The following MROH1 variants were observed in gnomAD, a reference collection of about 807,000 sequenced individuals.
MROH1 encodes the protein maestro heat like repeat family member 1.
In MROH1, 117 loss-of-function variants were observed where a neutral mutation model predicts 116.5. The ratio of observed to expected loss-of-function variants is 1.00; its 90% CI spans 0.86 to 1.17. The LOEUF (loss-of-function observed/expected upper bound fraction) is 1.17. Among genes scored for constraint, MROH1 ranks in the 50% most tolerant of loss-of-function variants. The probability of loss-of-function intolerance (pLI) is 0.00; values close to 1 mark genes in which losing one functional copy is unlikely to be tolerated. For missense variants in MROH1, 1,873 were observed against 1,338.5 expected (o/e 1.40, Z -6.23); for synonymous variants, 921 against 583.9 (o/e 1.58, Z -8.32).
At chr8:144,227,587 G>A (rs1381636375) in intron 14 of MROH1, among the ~76,000 whole-genome samples, 1 of 151,814 alleles carries the variant, frequency 6.6e-6, no homozygotes. Flanking sequence ...AGAGGTTGCA[G>A]TGAGCCAAGA....
At position 144,239,112 on chromosome 8, in the gene MROH1, C is replaced by G. The variant is rs963415678; in HGVS notation, c.1524C>G (p.Leu508=). 1.2e-4 allele frequency: 92 copies of G among 775,130 alleles called. No homozygotes were observed. Among genetic ancestry groups the G allele is most frequent in the Middle Eastern group, 7.8e-4 (3 of 3,844 alleles). 48.0% of individuals were successfully genotyped at this position (775,130 alleles called of 1,614,324 possible). The change falls in exon 16 of 44, where the codon CTC becomes CTG. Residue 508 remains leucine (L), a synonymous_variant. Coordinates refer to ENST00000326134, the MANE Select transcript of MROH1 (RefSeq NM_032450.3). ...CCCTGACTCCGCTCTGCAGGAGCCT[C>G]GTGCATCTGGCGCAGAAGAGGCAGG... is the stretch of plus-strand genomic sequence containing the variant. ...TGALTPLCRS[L]VHLAQKRQEA...
chr8:144,248,718 G>A (rs1217653522), intron 31 of MROH1, among the ~76,000 whole-genome samples, 159 bp from the exon 32 acceptor site: 4 of 152,220 alleles, frequency 2.6e-5, no homozygotes, highest in Non-Finnish European at 5.9e-5. Context: ...CCCCCGTGCA[G>A]CGAGCTCATT....
At chr8:144,215,809 CT>C (rs1173702876) in intron 12 of MROH1, among the ~76,000 whole-genome samples, 3 of 149,420 alleles carry the variant, frequency 2.0e-5, no homozygotes, top group African/African-American at 5.0e-5. Flanking sequence ...GGTGGCAGAG[CT>C]TGCAGTGAGC....
chr8:144,167,083 C>G (rs1208012256), intron 3 of MROH1, among the ~76,000 whole-genome samples: 1 of 152,210 alleles, frequency 6.6e-6, no homozygotes, highest in Non-Finnish European at 1.5e-5. Context: ...CAGGTGCCTC[C>G]TGGGATGTCC....
rs1159029602 is a variant in MROH1, at chr8:144,180,206, C to T, written c.329C>T (p.Ala110Val). Residue 110 changes from alanine (A) to valine (V), a missense_variant, in exon 6 of 44, where the codon GCG becomes GTG. Transcript: ENST00000326134. This position sits in a 1 kb window ranked among gnomAD's most constrained non-coding sequence, Gnocchi z 7.4. ...KDLVWDWQQA[A>V]SGVLVAVGRQ... is the part of the protein sequence containing the mutation. ...CTGGTCTGGGACTGGCAGCAGGCGGCGAGTGGCGTCCTGGTGGCCGTGGGA... is the reference window on the plus strand; with the variant it reads ...CTGGTCTGGGACTGGCAGCAGGCGGTGAGTGGCGTCCTGGTGGCCGTGGGA... 27 of 1,613,696 alleles carry T rather than the reference C, an allele frequency of 1.7e-5. No individual in the cohort carries two copies. Among genetic ancestry groups the T allele is most frequent in the Middle Eastern group, 1.6e-4 (1 of 6,082 alleles).
chr8:144,185,849 CG>C (rs1486901163), intron 7 of MROH1, among the ~76,000 whole-genome samples: 1 of 46,542 alleles, frequency 2.1e-5, no homozygotes. Context: ...GTGGGAACCA[CG>C]GGGGGGCGGT....
chr8:144,260,056 A>G lies in MROH1; in HGVS notation c.4190A>G (p.Lys1397Arg). The change falls in exon 38 of 44, where the codon AAG becomes AGG. Residue 1397 changes from lysine to arginine, a missense_variant and splice_region_variant. Lys to Arg is a conservative substitution (Grantham distance 26). Transcript: ENST00000326134. ...LANLASGCPD[K>R]VRTHGPQLLT... Reference sequence around the variant, plus strand: ...AACCTGGCCTCCGGCTGCCCTGACAAGGTGGGGTGGCCACCAGCCCCTCTG... The same window carrying G: ...AACCTGGCCTCCGGCTGCCCTGACAGGGTGGGGTGGCCACCAGCCCCTCTG... The G allele has an allele frequency of 1.4e-6, 1 of 726,464 alleles. No individual in the cohort carries two copies. Among genetic ancestry groups the G allele is most frequent in the Non-Finnish European group, 2.5e-6 (1 of 399,136 alleles). 45.0% of individuals were successfully genotyped at this position (726,464 alleles called of 1,614,324 possible). A position where few individuals can be genotyped will look rare whatever the true frequency, so the allele number is the denominator to read the frequency against.
At chr8:144,224,671 C>T (rs1355816513) in intron 14 of MROH1, among the ~76,000 whole-genome samples, 1 of 152,202 alleles carries the variant, frequency 6.6e-6, no homozygotes, top group African/African-American at 2.4e-5. Context: ...TCTACTTTTG[C>T]ATGTTTCAAA....
chr8:144,247,607 C>T lies in MROH1; in HGVS notation c.3048C>T (p.Leu1016=), dbSNP rs1842121062. 18 of 772,376 alleles carry T rather than the reference C, an allele frequency of 2.3e-5. No homozygotes were observed. Among genetic ancestry groups the T allele is most frequent in the South Asian group, 1.1e-4 (8 of 74,088 alleles). 47.8% of individuals were successfully genotyped at this position (772,376 alleles called of 1,614,324 possible). The change falls in exon 31 of 44, where the codon CTC becomes CTT. Residue 1016 remains leucine (L), a synonymous_variant. Coordinates refer to ENST00000326134, the MANE Select transcript of MROH1 (RefSeq NM_032450.3). The part of the protein sequence containing the change: ...RDYRDDVAER[L]LSLKDGLVHP... The stretch of plus-strand genomic sequence containing the variant: ...ACCGCGATGACGTGGCGGAGCGGCT[C>T]CTCAGCCTCAAGGACGGCCTCGTGC...
At chr8:144,188,634 T>C (rs903117894) in intron 7 of MROH1, among the ~76,000 whole-genome samples, 1 of 151,984 alleles carries the variant, frequency 6.6e-6, no homozygotes, top group Non-Finnish European at 1.5e-5. Flanking sequence ...ACCCAGCTAA[T>C]TTTTTGTATT....
intron 4 of MROH1, among the ~76,000 whole-genome samples, chr8:144,172,369 C>T (rs1822672462): frequency 6.6e-6 from 1 of 151,878 alleles, no homozygotes; most frequent in Non-Finnish European, 1.5e-5. Context: ...GCGTTTCTGT[C>T]TGCTGACTTC....
intron 1 of MROH1, among the ~76,000 whole-genome samples, chr8:144,159,488 G>T (rs979396083): frequency 5.3e-5 from 8 of 152,124 alleles, no homozygotes; most frequent in Non-Finnish European, 7.4e-5. Context: ...AAATGTTTAG[G>T]ATACTTAATA....
In MROH1 at chr8:144,261,178, G is replaced by A. The variant is rs911925534; in HGVS notation, c.4736G>A (p.Ser1579Asn). ...ACCTGCCTGTTCTACTTCAAGAGCAGCTGGGAGAACGTCCGAGCTGCTGCA... is the reference window on the plus strand; with the variant it reads ...ACCTGCCTGTTCTACTTCAAGAGCAACTGGGAGAACGTCCGAGCTGCTGCA... The part of the protein sequence containing the change: ...LTTCLFYFKS[S>N]WENVRAAAPL... Residue 1579 changes from serine to asparagine, a missense_variant, in exon 42 of 44, where the codon AGC becomes AAC. Physicochemically the swap from Ser to Asn is conservative, Grantham distance 46. Coordinates refer to ENST00000326134, the MANE Select transcript of MROH1 (RefSeq NM_032450.3). 9.0e-5 allele frequency: 69 copies of A among 769,394 alleles called. No homozygotes were observed. The highest frequency in any genetic ancestry group is 1.7e-5 in the African/African-American group (1 of 59,074). The allele number at this position is 769,394 out of a possible 1,614,324, so 47.7% of individuals were successfully genotyped here.
rs79749774 is a variant in MROH1 at position 144,197,417 on chromosome 8, C to CTTTTTT, written c.949-1674_949-1669dup. Among the ~76,000 whole-genome samples the CTTTTTT allele has an allele frequency of 2.5e-3, 105 of 42,498 alleles. 35 individuals carry two copies. Among genetic ancestry groups the CTTTTTT allele is most frequent in the African/African-American group, 6.8e-3 (52 of 7,674 alleles). 27.9% of individuals were successfully genotyped at this position (42,498 alleles called of 152,430 possible). On this transcript the variant is annotated intron_variant, in intron 10 of 43. Coordinates refer to ENST00000326134, the MANE Select transcript of MROH1 (RefSeq NM_032450.3). ...AAGAGTGGGCAGGAAGCTGCAGCAT[C>CTTTTTT]TTTTTTTTTTTTTTTTTTTTTTTTT...
intron 35 of MROH1, among the ~76,000 whole-genome samples, chr8:144,256,440 C>CACACTTCA (rs1564576512): frequency 6.8e-6 from 1 of 148,148 alleles, no homozygotes; most frequent in African/African-American, 2.5e-5. Context: ...GGGGGACAGC[C>CACACTTCA]GCACTTCAGC....
chr8:144,209,905 C>CAAAA (rs35823965), intron 12 of MROH1, among the ~76,000 whole-genome samples: 4 of 109,824 alleles, frequency 3.6e-5, no homozygotes, highest in African/African-American at 1.6e-4. Context: ...GACCCTGTCT[C>CAAAA]AAAAAAAAAA....
intron 3 of MROH1, among the ~76,000 whole-genome samples, chr8:144,167,095 C>T (rs923558386): frequency 1.3e-5 from 2 of 152,314 alleles, no homozygotes; most frequent in South Asian, 2.1e-4. Context: ...GGGATGTCCT[C>T]GTTGGCAGCC....
At chr8:144,172,644 T>C (rs1822790787) in intron 4 of MROH1, among the ~76,000 whole-genome samples, 1 of 152,024 alleles carries the variant, frequency 6.6e-6, no homozygotes, top group East Asian at 1.9e-4. Context: ...CTCCTGACCT[T>C]GTGATCTGCC....
rs1825987660 is a variant in MROH1, at chr8:144,182,679, A to T, written c.562+2156A>T. ...GGCAAAAATATGGAAAGTAGGAGAG[A>T]AAGAGAAGAATGAACTAGCAGGCTG... On this transcript the variant is annotated intron_variant, in intron 7 of 43. Transcript: ENST00000326134. The surrounding 1 kb of genome is among the most constrained non-coding windows in gnomAD (Gnocchi z 4.1). Among the ~76,000 whole-genome samples, 1 of 152,148 alleles carries T rather than the reference A, an allele frequency of 6.6e-6. No individual in the cohort carries two copies.
Sources: gnomAD v4.1 joint callset for allele counts (sites outside exome capture counted in the v4.1 genomes callset) on GRCh38, gnomAD v4.1.1 for gene constraint, Gnocchi (gnomAD v3.1) non-coding constraint, MANE v1.5 for transcripts, NCBI Gene and HGNC (gene_info 2026-07-23, HGNC 2026-07-21) for gene names.